The following UBE2F variants were observed in gnomAD, a reference collection of about 807,000 sequenced individuals.
The protein encoded by UBE2F is NEDD8-conjugating enzyme UBE2F.
UBE2F carries 5 observed loss-of-function variants against 29.6 expected under a neutral mutation model. The observed-to-expected ratio is 0.17, with a 90% CI of 0.09 to 0.36. The LOEUF is 0.36. Ranked by LOEUF, UBE2F falls within the 10% of genes least tolerant of loss-of-function variation. The probability of loss-of-function intolerance (pLI) is 1.00; values close to 1 mark genes in which losing one functional copy is unlikely to be tolerated. For synonymous variants in UBE2F, 66 were observed against 81.8 expected (o/e 0.81, Z 1.04); for missense variants, 141 against 228.5 (o/e 0.62, Z 2.47).
chr2:238,001,717 G>A (rs1376976231), intron 4 of UBE2F, among the ~76,000 whole-genome samples: 1 of 152,060 alleles, frequency 6.6e-6, no homozygotes, highest in South Asian at 2.1e-4. Context: ...CTACTTGGGA[G>A]GCTGAGGCAG....
intron 5 of UBE2F, among the ~76,000 whole-genome samples, chr2:238,022,315 C>T (rs535893210): frequency 6.6e-6 from 1 of 152,122 alleles, no homozygotes; most frequent in South Asian, 2.1e-4. Context: ...ATAGTATTTC[C>T]CACTAATAAG....
rs2063091991 is a variant in UBE2F, at chr2:237,967,889, A to G, written c.-17+757A>G. 6.6e-6 allele frequency among the ~76,000 whole-genome samples: 1 copy of G among 152,132 alleles called. No individual in the cohort carries two copies. The highest frequency in any genetic ancestry group is 1.5e-5 in the Non-Finnish European group (1 of 68,016). On this transcript the variant is annotated intron_variant, in intron 1 of 9. Transcript: ENST00000272930. This position sits in a 1 kb window ranked among gnomAD's most constrained non-coding sequence, Gnocchi z 6.3. ...TGGGCTCAGTTTCCTCATCTGTCAC[A>G]GGAGAGAATTGGGTCCCCCCACTCT...
intron 4 of UBE2F, among the ~76,000 whole-genome samples, chr2:237,998,514 A>G (rs2063730855): frequency 1.5e-5 from 2 of 136,246 alleles, no homozygotes; most frequent in Non-Finnish European, 1.7e-5. Context: ...TTTAATGAAT[A>G]TGTCATAATT....
intron 2 of UBE2F, among the ~76,000 whole-genome samples, chr2:237,987,678 C>G: frequency 6.6e-6 from 1 of 152,184 alleles, no homozygotes; most frequent in African/African-American, 2.4e-5. Flanking sequence ...ACTGTAGTGA[C>G]TGGCTACCTA....
At chr2:237,971,318 T>A (rs532974150) in intron 1 of UBE2F, among the ~76,000 whole-genome samples, 1 of 152,170 alleles carries the variant, frequency 6.6e-6, no homozygotes, top group South Asian at 2.1e-4. Flanking sequence ...TGGTGACAAT[T>A]TATTTTGTTT....
intron 2 of UBE2F, among the ~76,000 whole-genome samples, chr2:237,975,485 A>G (rs1459812117): frequency 6.6e-6 from 1 of 152,186 alleles, no homozygotes; most frequent in Non-Finnish European, 1.5e-5. Flanking sequence ...CCCTGTTTTC[A>G]TGTTGTATTA....
intron 2 of UBE2F, among the ~76,000 whole-genome samples, chr2:237,983,529 T>C (rs1181430324): frequency 6.6e-6 from 1 of 152,188 alleles, no homozygotes; most frequent in Non-Finnish European, 1.5e-5. Flanking sequence ...CCTGCAGGTC[T>C]CCTGAACCCT....
chr2:237,983,995 A>G (rs1255104329), intron 2 of UBE2F, among the ~76,000 whole-genome samples: 1 of 151,386 alleles, frequency 6.6e-6, no homozygotes, highest in African/African-American at 2.4e-5. Context: ...CTTTGCCCTC[A>G]TTGTGCTCCC....
At chr2:237,992,351 C>T (rs74987908) in intron 3 of UBE2F, among the ~76,000 whole-genome samples, 3,451 of 152,276 alleles carry the variant, frequency 0.023, 118 homozygotes, top group African/African-American at 0.079. Flanking sequence ...AGAAGGATGG[C>T]ATTTATCTTT....
Position 238,020,228 on chromosome 2 carries a change from G to A in UBE2F, c.282+3595G>A, listed in dbSNP as rs2064261479. Among the ~76,000 whole-genome samples, 3 of 152,188 alleles carry A rather than the reference G, an allele frequency of 2.0e-5. No homozygotes were observed. In the South Asian group the frequency reaches 6.2e-4, roughly 31 times the overall value. Reference sequence around the variant, plus strand: ...GTCTTGCCCACACTATTTCCGGTGTGTAGCTTGTGCCTGCCATGCTAGGCA... The same window carrying A: ...GTCTTGCCCACACTATTTCCGGTGTATAGCTTGTGCCTGCCATGCTAGGCA... On this transcript the variant is annotated intron_variant, in intron 5 of 9. Transcript: ENST00000272930.
chr2:238,034,615 T>C (rs2064663005), intron 8 of UBE2F, among the ~76,000 whole-genome samples: 1 of 152,226 alleles, frequency 6.6e-6, no homozygotes, highest in African/African-American at 2.4e-5. Context: ...GTGTGTCTGA[T>C]AACAGTCTTT....
chr2:238,027,243 G>T (rs1222617340), intron 6 of UBE2F, among the ~76,000 whole-genome samples: 3 of 152,172 alleles, frequency 2.0e-5, no homozygotes, highest in African/African-American at 2.4e-5. Context: ...AAGAAGAAAT[G>T]ATCAACTGGA....
intron 4 of UBE2F, among the ~76,000 whole-genome samples, chr2:238,008,747 G>C (rs1290787260): frequency 6.6e-6 from 1 of 152,160 alleles, no homozygotes; most frequent in Non-Finnish European, 1.5e-5. Flanking sequence ...ACAAACAGTA[G>C]TATGTTTCCA....
chr2:238,013,786 C>G (rs377136161), intron 4 of UBE2F, among the ~76,000 whole-genome samples: 50 of 152,264 alleles, frequency 3.3e-4, no homozygotes, highest in African/African-American at 1.2e-3. Context: ...GATAATTCCT[C>G]TAATTGTAAC....
intron 4 of UBE2F, among the ~76,000 whole-genome samples, chr2:237,997,280 T>A (rs950971726): frequency 6.6e-6 from 1 of 152,184 alleles, no homozygotes; most frequent in Non-Finnish European, 1.5e-5. Flanking sequence ...AAATACTTAA[T>A]GCCTGAATAT....
intron 2 of UBE2F, among the ~76,000 whole-genome samples, chr2:237,981,663 G>T (rs1190029031): frequency 9.3e-6 from 1 of 107,286 alleles, no homozygotes; most frequent in Non-Finnish European, 1.7e-5. Context: ...GCCTTAGTCT[G>T]TCATCTAGGC....
chr2:237,972,620 G>A (rs1000960151), intron 1 of UBE2F, among the ~76,000 whole-genome samples: 1 of 141,848 alleles, frequency 7.0e-6, no homozygotes, highest in Non-Finnish European at 1.5e-5. Flanking sequence ...GCACAATCAC[G>A]GCTCACGGTA....
intron 5 of UBE2F, among the ~76,000 whole-genome samples, chr2:238,021,254 GC>G (rs1409615895): frequency 3.9e-5 from 6 of 152,212 alleles, no homozygotes; most frequent in Admixed American, 2.0e-4. Flanking sequence ...CCTGCCATGG[GC>G]CCTGGAGGAG....
At chr2:238,041,162 T>TCTAC (rs1170090597) in intron 9 of UBE2F, 126 bp from the exon 10 acceptor site, 2 of 872,630 alleles carry the variant, frequency 2.3e-6, no homozygotes, top group Admixed American at 4.0e-5. Flanking sequence ...TCCCAGTCCT[T>TCTAC]CTACCACCTT....
Sources: gnomAD v4.1 joint callset for allele counts (sites outside exome capture counted in the v4.1 genomes callset) on GRCh38, gnomAD v4.1.1 for gene constraint, Gnocchi (gnomAD v3.1) non-coding constraint, MANE v1.5 for transcripts, NCBI Gene and HGNC (gene_info 2026-07-23, HGNC 2026-07-21) for gene names.